DAPK2: variants seen among roughly 807,000 people sequenced by gnomAD.
DAPK2 encodes death-associated protein kinase 2.
A neutral mutation model predicts 44.1 loss-of-function variants in DAPK2; 35 were observed. The observed-to-expected ratio is 0.79, with a 90% confidence interval of 0.61 to 1.05. The LOEUF is 1.05. DAPK2 is among the 50% of genes least tolerant of loss of function. DAPK2 has a pLI of 0.00. For synonymous variants in DAPK2, 174 were observed against 182.6 expected, an observed-to-expected ratio of 0.95 and a Z score of 0.38; for missense variants, 453 against 483.2, an observed-to-expected ratio of 0.94 and a Z score of 0.59.
At chr15:64,039,629 C>A (rs1424485060) in intron 1 of DAPK2, among the ~76,000 whole-genome samples, 2 of 152,186 alleles carry the variant, frequency 1.3e-5, no homozygotes, top group Non-Finnish European at 2.9e-5. Context: ...ACTTTCAGAT[C>A]TGATTTTCAC....
intron 1 of DAPK2, among the ~76,000 whole-genome samples, chr15:64,008,979 T>C (rs1300628823): frequency 1.3e-5 from 2 of 152,150 alleles, no homozygotes; most frequent in Non-Finnish European, 2.9e-5. Flanking sequence ...CCTCTTTGTT[T>C]AAAGGAGGCA....
At chr15:63,946,179 A>G (rs1276361302) in intron 3 of DAPK2, among the ~76,000 whole-genome samples, 1 of 152,222 alleles carries the variant, frequency 6.6e-6, no homozygotes, top group East Asian at 1.9e-4. Context: ...GGAGGCACCC[A>G]TGGGAGAGGC....
intron 8 of DAPK2, chr15:63,922,247 TGC>T: frequency 2.0e-6 from 2 of 984,998 alleles, no homozygotes; most frequent in Non-Finnish European, 2.4e-6. Flanking sequence ...GAAAAATCAA[TGC>T]AAACGAAAGG....
intron 4 of DAPK2, 141 bp from the exon 6 acceptor site, chr15:63,930,596 G>T: frequency 1.3e-6 from 1 of 756,818 alleles, no homozygotes; most frequent in Admixed American, 2.2e-5. Context: ...AAGGTGATCT[G>T]CATCTAAGAT....
chr15:64,042,657 A>G (rs573194116), upstream of DAPK2, among the ~76,000 whole-genome samples: 14 of 152,234 alleles, frequency 9.2e-5, no homozygotes, highest in Non-Finnish European at 1.8e-4. This position sits in a 1 kb window ranked among gnomAD's most constrained non-coding sequence, Gnocchi z 4.7. Context: ...TAGGCCCACC[A>G]GTTAGGCTTT....
chr15:64,009,827 C>T (rs1400985461), intron 1 of DAPK2, among the ~76,000 whole-genome samples: 1 of 152,148 alleles, frequency 6.6e-6, no homozygotes, highest in Non-Finnish European at 1.5e-5. Flanking sequence ...GTGTGACCCA[C>T]CACACCCACT....
In DAPK2 at chr15:63,932,165, T is replaced by TAAAA. The variant is rs386383265; in HGVS notation, c.584-1714_584-1711dup. ...CTGGGTGACAGAGTGAGACCCTGTT[T>TAAAA]AAAAAAAAAAAAAAAAAAGGCTGGG... On this transcript the variant is annotated intron_variant, in intron 4 of 10. Coordinates refer to ENST00000261891, the Ensembl canonical transcript of DAPK2. 3.1e-3 allele frequency among the ~76,000 whole-genome samples: 423 copies of TAAAA among 137,046 alleles called. 6 individuals carry two copies. Among genetic ancestry groups the TAAAA allele is most frequent in the Non-Finnish European group, 4.9e-3 (319 of 65,674 alleles). The allele number at this position is 137,046 out of a possible 152,430, so 89.9% of individuals were successfully genotyped here. A position where few individuals can be genotyped will look rare whatever the true frequency, so the allele number is the denominator to read the frequency against.
chr15:63,960,675 T>C (rs900244254), intron 3 of DAPK2, among the ~76,000 whole-genome samples: 4 of 152,254 alleles, frequency 2.6e-5, no homozygotes, highest in African/African-American at 9.6e-5. Context: ...GTGAGTTTCT[T>C]AATCCCGAGT....
chr15:63,972,560 C>T (rs1595829334), intron 2 of DAPK2, among the ~76,000 whole-genome samples: 1 of 152,160 alleles, frequency 6.6e-6, no homozygotes, highest in South Asian at 2.1e-4. Context: ...GAGGAAAGGG[C>T]ATCCTTGTTA....
At chr15:63,986,457 C>A (rs973103901) in intron 1 of DAPK2, among the ~76,000 whole-genome samples, 9 of 152,150 alleles carry the variant, frequency 5.9e-5, no homozygotes, top group African/African-American at 2.2e-4. Context: ...TGGGGTCTGG[C>A]TCTGCTGCCC....
At chr15:64,023,815 A>G (rs1190197871) in intron 1 of DAPK2, among the ~76,000 whole-genome samples, 1 of 152,190 alleles carries the variant, frequency 6.6e-6, no homozygotes, top group African/African-American at 2.4e-5. Context: ...AAAAGGTGCT[A>G]TTTTAAAAAG....
chr15:63,915,162 T>C (rs2078894454), intron 8 of DAPK2, among the ~76,000 whole-genome samples: 1 of 152,262 alleles, frequency 6.6e-6, no homozygotes, highest in Admixed American at 6.5e-5. Flanking sequence ...ATTATTTGCA[T>C]TTATTATTGT....
intron 3 of DAPK2, among the ~76,000 whole-genome samples, chr15:63,944,458 G>T (rs750683025): frequency 1.7e-4 from 26 of 152,256 alleles, no homozygotes; most frequent in South Asian, 6.2e-4. Context: ...CTTCCTTCTT[G>T]CTGTCCCAAG....
At chr15:63,919,334 C>G (rs183724214) in intron 8 of DAPK2, 1 of 152,312 alleles carries the variant, frequency 6.6e-6, no homozygotes, top group East Asian at 1.9e-4. Flanking sequence ...ACTTAGAGTT[C>G]GGAGTCCAGC....
At chr15:63,951,896 TG>T (rs1190891595) in intron 3 of DAPK2, among the ~76,000 whole-genome samples, 1 of 152,188 alleles carries the variant, frequency 6.6e-6, no homozygotes, top group Non-Finnish European at 1.5e-5. Flanking sequence ...CAGCATGTGT[TG>T]GGCACTAGGT....
chr15:63,914,097 C>G (rs56980062), intron 8 of DAPK2, among the ~76,000 whole-genome samples: 12,058 of 152,264 alleles, frequency 0.079, 693 homozygotes, highest in African/African-American at 0.16. Flanking sequence ...GACCTGGGAC[C>G]TACTCACTCC....
At chr15:64,030,640 G>A (rs531265203) in intron 1 of DAPK2, among the ~76,000 whole-genome samples, 5 of 151,644 alleles carry the variant, frequency 3.3e-5, no homozygotes, top group South Asian at 2.1e-4. Flanking sequence ...ACCCCTACTC[G>A]CCCTCAACCA....
chr15:63,908,820 G>A lies in DAPK2; in HGVS notation c.1033-220C>T, dbSNP rs1401337935. 5.1e-6 allele frequency: 2 copies of A among 393,846 alleles called. No homozygotes were observed. The highest frequency in any genetic ancestry group is 8.9e-5 in the Admixed American group (2 of 22,452). The allele number at this position is 393,846 out of a possible 1,614,324, so 24.4% of individuals were successfully genotyped here. A position where few individuals can be genotyped will look rare whatever the true frequency, so the allele number is the denominator to read the frequency against. Reference sequence around the variant, plus strand: ...TGCTTGGAGGAAGGAAAGCAGCAGGGCATCTAAGGGAAACCAGACATCAGG... The same window carrying A: ...TGCTTGGAGGAAGGAAAGCAGCAGGACATCTAAGGGAAACCAGACATCAGG... On this transcript the variant is annotated intron_variant, in intron 10 of 10. Transcript: ENST00000261891. The surrounding 1 kb of genome is among the most constrained non-coding windows in gnomAD (Gnocchi z 5.7).
intron 3 of DAPK2, among the ~76,000 whole-genome samples, chr15:63,963,243 A>G (rs1441309926): frequency 6.6e-6 from 1 of 152,054 alleles, no homozygotes; most frequent in African/African-American, 2.4e-5. Flanking sequence ...TCCAGGTACC[A>G]TCTGTCACGG....
Sources: gnomAD v4.1 joint callset for allele counts (sites outside exome capture counted in the v4.1 genomes callset) on GRCh38, gnomAD v4.1.1 for gene constraint, Gnocchi (gnomAD v3.1) non-coding constraint, MANE v1.5 for transcripts, NCBI Gene and HGNC (gene_info 2026-07-23, HGNC 2026-07-21) for gene names.